The following TTC13 variants were observed in gnomAD, a reference collection of about 807,000 sequenced individuals.
The protein encoded by TTC13 is tetratricopeptide repeat domain 13, also known as tetratricopeptide repeat protein 13.
In TTC13, 62 loss-of-function variants were observed where a neutral mutation model predicts 120.0. The observed-to-expected ratio is 0.52, with a 90% CI of 0.42 to 0.64. The LOEUF (loss-of-function observed/expected upper bound fraction) is 0.64, where lower values mean the gene tolerates loss of function less well. Among genes scored for constraint, TTC13 ranks in the 30% least tolerant of loss-of-function variants. TTC13 has a pLI of 0.00. For missense variants in TTC13, 824 were observed against 1,050.2 expected, an observed-to-expected ratio of 0.78 and a Z score of 2.98; for synonymous variants, 384 against 393.5, an observed-to-expected ratio of 0.98 and a Z score of 0.28.
chr1:230,925,674 A>C (rs1424385347), intron 12 of TTC13, 27 bp from the exon 13 acceptor site: 2 of 1,612,288 alleles, frequency 1.2e-6, no homozygotes, highest in African/African-American at 2.7e-5. Flanking sequence ...GTACATGATA[A>C]GGACTTTTAC....
chr1:230,962,680 A>G (rs549963037), intron 1 of TTC13, among the ~76,000 whole-genome samples: 51 of 152,326 alleles, frequency 3.3e-4, no homozygotes, highest in African/African-American at 1.2e-3. Flanking sequence ...AAAAGGGAGA[A>G]ATGGTCCAAG....
intron 15 of TTC13, among the ~76,000 whole-genome samples, chr1:230,921,946 A>G (rs1672611087): frequency 6.6e-6 from 1 of 151,844 alleles, no homozygotes; most frequent in Admixed American, 6.6e-5. Context: ...TTTTCCTCAC[A>G]TTTCTATCCC....
intron 3 of TTC13, among the ~76,000 whole-genome samples, chr1:230,955,334 C>G (rs1252793263): frequency 6.6e-6 from 1 of 152,128 alleles, no homozygotes; most frequent in Non-Finnish European, 1.5e-5. Flanking sequence ...AAAACTTTTA[C>G]TGTCATTAAG....
At position 230,949,456 on chromosome 1, in the gene TTC13, A is replaced by G. The variant is rs1057183067; in HGVS notation, c.514-4002T>C. On this transcript the variant is annotated intron_variant, in intron 4 of 22. Transcript: ENST00000366661. ...TTTGCAACAGCTGAAATATCCGAACACTGACAACTTCCTAAAGGTAGCCAT... is the reference window on the plus strand; with the variant it reads ...TTTGCAACAGCTGAAATATCCGAACGCTGACAACTTCCTAAAGGTAGCCAT... Among the ~76,000 whole-genome samples, 7 of 99,150 alleles carry G rather than the reference A, an allele frequency of 7.1e-5. 1 individual carries two copies. Among genetic ancestry groups the G allele is most frequent in the African/African-American group, 2.6e-4 (7 of 26,542 alleles). The allele number at this position is 99,150 out of a possible 152,430, so 65.0% of individuals were successfully genotyped here.
Position 230,942,349 on chromosome 1 carries a change from G to C in TTC13, c.672+1457C>G, listed in dbSNP as rs1030666619. Among the ~76,000 whole-genome samples the C allele has an allele frequency of 6.6e-6, 1 of 152,068 alleles. No individual in the cohort carries two copies. Among genetic ancestry groups the C allele is most frequent in the South Asian group, 2.1e-4 (1 of 4,812 alleles). On this transcript the variant is annotated intron_variant, in intron 6 of 22. Coordinates refer to ENST00000366661, the MANE Select transcript of TTC13 (RefSeq NM_024525.5). The surrounding 1 kb of genome is among the most constrained non-coding windows in gnomAD (Gnocchi z 4.0). ...AAGTCTCATGCAGTGATAAACTATA[G>C]TCACTTAACCCTTAGGGTTACAATT... is the stretch of plus-strand genomic sequence containing the variant.
At chr1:230,926,948 C>T (rs1572205662) in intron 12 of TTC13, among the ~76,000 whole-genome samples, 2 of 152,200 alleles carry the variant, frequency 1.3e-5, no homozygotes, top group Admixed American at 6.5e-5. Flanking sequence ...TGTATATATA[C>T]AATATACTCT....
At position 230,907,031 on chromosome 1, in the gene TTC13, A is replaced by G. The variant is rs760957452; in HGVS notation, c.2469-12T>C. The G allele has an allele frequency of 7.2e-7, 1 of 1,386,082 alleles. No individual in the cohort carries two copies. The highest frequency in any genetic ancestry group is 2.6e-5 in the East Asian group (1 of 38,276). The allele number at this position is 1,386,082 out of a possible 1,614,324, so 85.9% of individuals were successfully genotyped here. On this transcript the variant is annotated splice_polypyrimidine_tract_variant and intron_variant, in intron 22 of 22. Coordinates refer to ENST00000366661, the MANE Select transcript of TTC13 (RefSeq NM_024525.5). ...AAGAAGGTGAAATACTGAAAAAGAAAAACACAAAGTAGCGGCATGAAAATT... is the reference window on the plus strand; with the variant it reads ...AAGAAGGTGAAATACTGAAAAAGAAGAACACAAAGTAGCGGCATGAAAATT...
At chr1:230,974,391 G>A (rs191705758) in intron 1 of TTC13, among the ~76,000 whole-genome samples, 12 of 152,304 alleles carry the variant, frequency 7.9e-5, no homozygotes, top group Admixed American at 1.3e-4. Flanking sequence ...GATGGACCAC[G>A]TATGTGTGAG....
At chr1:230,912,575 A>C in intron 19 of TTC13, 48 bp downstream of exon 19, 6 of 1,591,272 alleles carry the variant, frequency 3.8e-6, no homozygotes, top group Non-Finnish European at 5.1e-6. Context: ...AAAAATTTAC[A>C]AAAGAATCAT....
chr1:230,961,316 C>G lies in TTC13; in HGVS notation c.272-13G>C. On this transcript the variant is annotated splice_polypyrimidine_tract_variant and intron_variant, in intron 1 of 22. Transcript: ENST00000366661. ...AAAAAGGATGACTCTGAAAGGCAAG[C>G]ATTCTTTGTTATTCTCTACACCTTA... The G allele has an allele frequency of 6.3e-7, 1 of 1,594,942 alleles. No individual in the cohort carries two copies. Among genetic ancestry groups the G allele is most frequent in the South Asian group, 1.1e-5 (1 of 89,718 alleles).
intron 3 of TTC13, among the ~76,000 whole-genome samples, chr1:230,956,729 G>A (rs1190584707): frequency 6.6e-6 from 1 of 152,016 alleles, no homozygotes; most frequent in Non-Finnish European, 1.5e-5. Flanking sequence ...TCAACATTTT[G>A]TGAAAAAAAC....
At chr1:230,911,329 T>C (rs1671478150) in intron 20 of TTC13, 141 bp downstream of exon 20, 1 of 543,538 alleles carries the variant, frequency 1.8e-6, no homozygotes, top group Non-Finnish European at 3.2e-6. Flanking sequence ...GAAATATTTT[T>C]TTGTGCAGAT....
Position 230,942,261 on chromosome 1 carries a change from C to T in TTC13, c.672+1545G>A, listed in dbSNP as rs1354543792. Reference sequence around the variant, plus strand: ...GGGAAAAAACATCAGTCCCCCCTACCAGAAGCAGATGATTACCAAATCTGT... The same window carrying T: ...GGGAAAAAACATCAGTCCCCCCTACTAGAAGCAGATGATTACCAAATCTGT... On this transcript the variant is annotated intron_variant, in intron 6 of 22. Transcript: ENST00000366661. The surrounding 1 kb of genome is among the most constrained non-coding windows in gnomAD (Gnocchi z 4.0). 1.3e-5 allele frequency among the ~76,000 whole-genome samples: 2 copies of T among 152,066 alleles called. No individual in the cohort carries two copies. The highest frequency in any genetic ancestry group is 2.4e-5 in the African/African-American group (1 of 41,384).
At chr1:230,941,397 G>A (rs1674522798) in intron 6 of TTC13, among the ~76,000 whole-genome samples, 1 of 152,182 alleles carries the variant, frequency 6.6e-6, no homozygotes, top group Middle Eastern at 3.2e-3. Context: ...CTGGGCTCAT[G>A]CAATCCTCCT....
chr1:230,950,402 T>G (rs1675456783), intron 4 of TTC13, among the ~76,000 whole-genome samples: 1 of 152,016 alleles, frequency 6.6e-6, no homozygotes, highest in Admixed American at 6.6e-5. Flanking sequence ...TAAATGGTGT[T>G]GTGTCTACTT....
At chr1:230,926,576 C>T (rs529437877) in intron 12 of TTC13, among the ~76,000 whole-genome samples, 59 of 152,258 alleles carry the variant, frequency 3.9e-4, no homozygotes, top group African/African-American at 1.3e-3. Context: ...TAGGAATCCC[C>T]TCGAAATCCA....
chr1:230,920,648 A>T (rs947067244), intron 16 of TTC13, 54 bp from the exon 17 acceptor site: 198 of 1,072,182 alleles, frequency 1.8e-4, no homozygotes, highest in Non-Finnish European at 1.5e-4. Flanking sequence ...AATTGTAATA[A>T]TTAATCATGC....
intron 13 of TTC13, 142 bp downstream of exon 13, chr1:230,925,375 G>C (rs1447603684): frequency 9.9e-7 from 1 of 1,012,452 alleles, no homozygotes; most frequent in Non-Finnish European, 1.4e-6. Flanking sequence ...CAGTTTGAAT[G>C]ATTCTACACA....
chr1:230,924,079 A>G (rs1487327008), intron 14 of TTC13, 146 bp from the exon 15 acceptor site: 2 of 580,162 alleles, frequency 3.4e-6, no homozygotes, highest in Non-Finnish European at 5.9e-6. Context: ...AATTCCAAAC[A>G]GATGTTCCAG....
Sources: allele counts gnomAD v4.1 joint callset (sites outside exome capture counted in the v4.1 genomes callset), GRCh38; gene constraint gnomAD v4.1.1; non-coding constraint Gnocchi (gnomAD v3.1); transcripts MANE v1.5; gene names NCBI Gene and HGNC (gene_info 2026-07-23, HGNC 2026-07-21).